The following ZNF99 variants were observed in gnomAD, a reference collection of about 807,000 sequenced individuals.
ZNF99 encodes the protein zinc finger protein ENSP00000375192.
Under a neutral mutation model 12.8 loss-of-function variants are expected in ZNF99, and 8 were observed. That is an observed-to-expected ratio of 0.62 (90% confidence interval 0.37 to 1.13). The LOEUF is 1.13. Among genes scored for constraint, ZNF99 ranks in the 50% most tolerant of loss-of-function variants. ZNF99 has a pLI of 0.02. For synonymous variants in ZNF99, 318 were observed against 319.0 expected, an observed-to-expected ratio of 1.00 and a Z score of 0.03; for missense variants, 1,007 against 1,006.2, an observed-to-expected ratio of 1.00 and a Z score of -0.01.
chr19:22,782,890 G>C (rs1243596793), intron 1 of ZNF99, among the ~76,000 whole-genome samples: 1 of 147,206 alleles, frequency 6.8e-6, no homozygotes, highest in African/African-American at 2.6e-5. Context: ...GGCTGGTCTA[G>C]AACTCCTGAC....
At position 22,776,424 on chromosome 19, in the gene ZNF99, T is replaced by C. The variant is rs1319957129; in HGVS notation, c.4-7100A>G. Among the ~76,000 whole-genome samples the C allele has an allele frequency of 2.6e-3, 62 of 23,738 alleles. 1 individual carries two copies. The highest frequency in any genetic ancestry group is 4.0e-3 in the Non-Finnish European group (51 of 12,624). 15.6% of individuals were successfully genotyped at this position (23,738 alleles called of 152,430 possible). A position where few individuals can be genotyped will look rare whatever the true frequency, so the allele number is the denominator to read the frequency against. On this transcript the variant is annotated intron_variant, in intron 1 of 3. Coordinates refer to ENST00000596209, the MANE Select transcript of ZNF99 (RefSeq NM_001080409.3). ...CCAAAATAAGATATATATATATATA[T>C]ATATATATATATATATATATATATA...
Position 22,757,048 on chromosome 19 carries a change from C to T in ZNF99, c.*266G>A. The T allele has an allele frequency of 1.2e-6, 2 of 1,612,968 alleles. No homozygotes were observed. Among genetic ancestry groups the T allele is most frequent in the Admixed American group, 1.7e-5 (1 of 59,976 alleles). On this transcript the variant is annotated 3_prime_UTR_variant, in exon 4 of 4. Transcript: ENST00000596209. ...CACATTCTTCACATTTGTACGATTT[C>T]TCCCTAGTATGAATTAGCTTATGTT... is the stretch of plus-strand genomic sequence containing the variant.
chr19:22,782,264 G>A (rs1973395707), intron 1 of ZNF99, among the ~76,000 whole-genome samples: 1 of 152,034 alleles, frequency 6.6e-6, no homozygotes, highest in South Asian at 2.1e-4. Context: ...AAATGGAGGG[G>A]AAAATCAGTC....
In ZNF99 at chr19:22,755,538, G is replaced by A. The variant is rs1973039255; in HGVS notation, c.*1776C>T. On this transcript the variant is annotated 3_prime_UTR_variant, in exon 4 of 4. Coordinates refer to ENST00000596209, the MANE Select transcript of ZNF99 (RefSeq NM_001080409.3). ...TTGCCACATTCTTCACATTTGTAAA[G>A]TATCTCTCCAGTATGAATTATCTTA... The A allele has an allele frequency of 1.3e-5, 4 of 309,454 alleles. 1 individual carries two copies. In the South Asian group the frequency reaches 1.3e-4, roughly 10 times the overall value. 19.2% of individuals were successfully genotyped at this position (309,454 alleles called of 1,614,324 possible). A position where few individuals can be genotyped will look rare whatever the true frequency, so the allele number is the denominator to read the frequency against.
At position 22,755,547 on chromosome 19, in the gene ZNF99, C is replaced by A; in HGVS notation, c.*1767G>T. On this transcript the variant is annotated 3_prime_UTR_variant, in exon 4 of 4. Coordinates refer to ENST00000596209, the MANE Select transcript of ZNF99 (RefSeq NM_001080409.3). ...TCTTCACATTTGTAAAGTATCTCTC[C>A]AGTATGAATTATCTTATGTTCAGTA... The A allele has an allele frequency of 3.3e-6, 1 of 303,386 alleles. No individual in the cohort carries two copies. The highest frequency in any genetic ancestry group is 3.5e-5 in the South Asian group (1 of 28,468). 18.8% of individuals were successfully genotyped at this position (303,386 alleles called of 1,614,324 possible). A position where few individuals can be genotyped will look rare whatever the true frequency, so the allele number is the denominator to read the frequency against.
intron 3 of ZNF99, among the ~76,000 whole-genome samples, chr19:22,766,989 C>T (rs865914232): frequency 6.7e-4 from 101 of 150,388 alleles, no homozygotes; most frequent in African/African-American, 2.3e-3. Context: ...ATAAATTTAT[C>T]AAACTACTTA....
At chr19:22,778,814 G>A (rs1300340410) in intron 1 of ZNF99, among the ~76,000 whole-genome samples, 1 of 152,062 alleles carries the variant, frequency 6.6e-6, no homozygotes, top group Admixed American at 6.6e-5. Context: ...AGACTGGCCT[G>A]AACAACATGA....
At position 22,757,736 on chromosome 19, in the gene ZNF99, T is replaced by C. The variant is rs1448299965; in HGVS notation, c.2173A>G (p.Ile725Val). 6.2e-7 allele frequency: 1 copy of C among 1,612,214 alleles called. No individual in the cohort carries two copies. The change falls in exon 4 of 4, where the codon ATA becomes GTA. Residue 725 changes from isoleucine (I) to valine (V), a missense_variant. By Grantham distance (29) the Ile-to-Val change is conservative. Transcript: ENST00000596209. ...TAGGGTTTCTCTCCAGTATGAATTA[T>C]CTCATGTTTTCTAAGAGTTGAGGAC... is the stretch of plus-strand genomic sequence containing the variant. ...SQSSTLRKHEIIHTGEKPYKC... is the reference protein window; with the variant it reads ...SQSSTLRKHEVIHTGEKPYKC...
Position 22,757,543 on chromosome 19 carries a change from T to C in ZNF99, c.2366A>G (p.Tyr789Cys), listed in dbSNP as rs923456082. 5.0e-6 allele frequency: 8 copies of C among 1,611,026 alleles called. 1 individual carries two copies. The African/African-American group carries it at 8.0e-5, about 16-fold the overall frequency. ...HKIIHTGKKP[Y>C]KCEECGKAFN... ...AGCTTTGCCACATTCTTCACATTTA[T>C]AGGGTTTCTTTCCAGTATGAATTAT... Residue 789 changes from tyrosine (Y) to cysteine (C), a missense_variant, in exon 4 of 4, where the codon TAT (tyrosine) becomes TGT (cysteine). Coordinates refer to ENST00000596209, the MANE Select transcript of ZNF99 (RefSeq NM_001080409.3).
intron 2 of ZNF99, 119 bp from the exon 3 acceptor site, chr19:22,768,519 T>C: frequency 2.6e-6 from 2 of 767,188 alleles, no homozygotes; most frequent in Non-Finnish European, 3.8e-6. Context: ...ATTTATAACA[T>C]AAATTTCTAA....
chr19:22,756,767 C>G lies in ZNF99; in HGVS notation c.*547G>C. 1 of 1,610,952 alleles carries G rather than the reference C, an allele frequency of 6.2e-7. No homozygotes were observed. The highest frequency in any genetic ancestry group is 8.5e-7 in the Non-Finnish European group (1 of 1,178,998). Reference sequence around the variant, plus strand: ...ATAAGGGTTGAGGAATTGTTAAAAGCTTTGCCACATTCTTCACATTTGTAG... The same window carrying G: ...ATAAGGGTTGAGGAATTGTTAAAAGGTTTGCCACATTCTTCACATTTGTAG... On this transcript the variant is annotated 3_prime_UTR_variant, in exon 4 of 4. Transcript: ENST00000596209.
At chr19:22,769,029 CAAAAAAA>C (rs34074141) in intron 2 of ZNF99, among the ~76,000 whole-genome samples, 162 bp downstream of exon 2, 1 of 106,056 alleles carries the variant, frequency 9.4e-6, no homozygotes, top group South Asian at 3.2e-4. Flanking sequence ...AACTCTGTTT[CAAAAAAA>C]AAAAAAAAAA....
chr19:22,759,191 T>C lies in ZNF99; in HGVS notation c.718A>G (p.Ile240Val). The C allele has an allele frequency of 1.3e-6, 2 of 1,584,248 alleles. No homozygotes were observed. Among genetic ancestry groups the C allele is most frequent in the Middle Eastern group, 1.7e-4 (1 of 6,024 alleles). ...TTACATTTAGTGAACATTGAAGAGA[T>C]GTTAAAAGCTTTGCCACATTTCTTA... is the stretch of plus-strand genomic sequence containing the variant. Reference protein sequence around the residue: ...KYKKCGKAFNISSMFTKCKII... With the variant: ...KYKKCGKAFNVSSMFTKCKII... The change falls in exon 4 of 4, where the codon ATC becomes GTC. Residue 240 changes from isoleucine (I) to valine (V), a missense_variant. Physicochemically the swap from Ile to Val is conservative, Grantham distance 29. Transcript: ENST00000596209.
At chr19:22,772,216 G>A (rs1357825056) in intron 1 of ZNF99, among the ~76,000 whole-genome samples, 1 of 152,096 alleles carries the variant, frequency 6.6e-6, no homozygotes, top group Non-Finnish European at 1.5e-5. Flanking sequence ...AGAGTGAGTT[G>A]ATACAAAGTT....
intron 1 of ZNF99, chr19:22,774,168 A>G (rs1276033909): frequency 1.3e-5 from 2 of 152,360 alleles, no homozygotes; most frequent in Non-Finnish European, 2.9e-5. Context: ...AAACCATCTT[A>G]GGTAAAAACT....
chr19:22,776,695 T>C (rs1408111936), intron 1 of ZNF99, among the ~76,000 whole-genome samples: 592 of 141,358 alleles, frequency 4.2e-3, no homozygotes, highest in Admixed American at 5.7e-3. Context: ...AGAATTACCA[T>C]TTGACCCGGC....
intron 1 of ZNF99, 79 bp from the exon 2 acceptor site, chr19:22,769,403 G>A: frequency 1.4e-6 from 2 of 1,476,684 alleles, no homozygotes; most frequent in Non-Finnish European, 1.8e-6. Context: ...AAGGTGAAAT[G>A]AGAGAGTAAA....
chr19:22,784,108 T>C lies in ZNF99; in HGVS notation c.-92A>G, dbSNP rs1280252088. ...CACAGAGGCTAAGGACACAGAGCAG[T>C]AAAAACGAGATCCGGAGCTCCAGCT... On this transcript the variant is annotated 5_prime_UTR_variant, in exon 1 of 4. Coordinates refer to ENST00000596209, the MANE Select transcript of ZNF99 (RefSeq NM_001080409.3). The C allele has an allele frequency of 2.1e-6, 3 of 1,442,348 alleles. No homozygotes were observed. The highest frequency in any genetic ancestry group is 2.9e-6 in the Non-Finnish European group (3 of 1,044,510). The allele number at this position is 1,442,348 out of a possible 1,614,324, so 89.3% of individuals were successfully genotyped here. A position where few individuals can be genotyped will look rare whatever the true frequency, so the allele number is the denominator to read the frequency against.
At chr19:22,782,699 T>C (rs1156925376) in intron 1 of ZNF99, among the ~76,000 whole-genome samples, 42 of 109,598 alleles carry the variant, frequency 3.8e-4, no homozygotes, top group Admixed American at 5.9e-4. Flanking sequence ...TGAGAGGGAG[T>C]CTCCCTCTCT....
Sources: gnomAD v4.1 joint callset for allele counts (sites outside exome capture counted in the v4.1 genomes callset) on GRCh38, gnomAD v4.1.1 for gene constraint, MANE v1.5 for transcripts, NCBI Gene and HGNC (gene_info 2026-07-23, HGNC 2026-07-21) for gene names.